Variants in HGD observed in about 807,000 individuals in gnomAD.
HGD encodes homogentisate oxidase.
HGD carries 61 observed loss-of-function variants against 60.8 expected under a neutral mutation model. The observed-to-expected ratio is 1.00, with a 90% CI of 0.82 to 1.24. HGD has a LOEUF of 1.24. HGD is among the 50% of genes most tolerant of loss of function. The pLI is 0.00. For missense variants in HGD, 542 were observed against 547.1 expected (o/e 0.99, Z 0.09); for synonymous variants, 212 against 187.7 (o/e 1.13, Z -1.06).
At chr3:120,643,200 T>C (rs1941044801) in intron 10 of HGD, among the ~76,000 whole-genome samples, 1 of 152,188 alleles carries the variant, frequency 6.6e-6, no homozygotes, top group Non-Finnish European at 1.5e-5. Context: ...CTTGGCTCGC[T>C]GCAACCTCCA....
intron 4 of HGD, among the ~76,000 whole-genome samples, chr3:120,669,451 A>G (rs1327442977): frequency 1.0e-3 from 91 of 90,870 alleles, no homozygotes; most frequent in African/African-American, 3.9e-3. Context: ...GCATGTGCAC[A>G]CACACACACA....
At chr3:120,658,620 TAGCTCC>T (rs1459664700) in intron 4 of HGD, among the ~76,000 whole-genome samples, 1 of 152,216 alleles carries the variant, frequency 6.6e-6, no homozygotes, top group Non-Finnish European at 1.5e-5. Flanking sequence ...CCTCTTCTCA[TAGCTCC>T]ACTAGGCAAT....
Position 120,650,667 on chromosome 3 carries a change from C to T in HGD, c.434+107G>A, listed in dbSNP as rs1337378133. 3.7e-6 allele frequency: 3 copies of T among 810,474 alleles called. No individual in the cohort carries two copies. In the Admixed American group the frequency reaches 5.1e-5, roughly 14 times the overall value. 50.2% of individuals were successfully genotyped at this position (810,474 alleles called of 1,614,324 possible). A position where few individuals can be genotyped will look rare whatever the true frequency, so the allele number is the denominator to read the frequency against. On this transcript the variant is annotated intron_variant, in intron 6 of 13. Coordinates refer to ENST00000283871, the MANE Select transcript of HGD (RefSeq NM_000187.4). The stretch of plus-strand genomic sequence containing the variant: ...AGGAGAAAACCAATAACAAAAACAA[C>T]TATGTATGTGCATATGTGACTTCAC...
intron 4 of HGD, among the ~76,000 whole-genome samples, chr3:120,657,099 T>C (rs1378995067): frequency 6.6e-6 from 1 of 152,202 alleles, no homozygotes; most frequent in South Asian, 2.1e-4. Flanking sequence ...CCAACTAAAA[T>C]TGTGGATTTG....
chr3:120,680,465 T>C (rs1345404892), intron 1 of HGD, among the ~76,000 whole-genome samples: 1 of 152,222 alleles, frequency 6.6e-6, no homozygotes, highest in Non-Finnish European at 1.5e-5. Flanking sequence ...TACATTGATG[T>C]CCTGGTGCTG....
At position 120,644,522 on chromosome 3, in the gene HGD, G is replaced by A; in HGVS notation, c.650-79C>T. 3.7e-6 allele frequency: 6 copies of A among 1,606,254 alleles called. No homozygotes were observed. In the South Asian group the frequency reaches 6.6e-5, roughly 18 times the overall value. On this transcript the variant is annotated intron_variant, in intron 9 of 13. Coordinates refer to ENST00000283871, the MANE Select transcript of HGD (RefSeq NM_000187.4). ...TGCCCATGGTTGCATGAAGAGAAAGGCTTTCTTTCATGTCAAGAGCTACTC... is the reference window on the plus strand; with the variant it reads ...TGCCCATGGTTGCATGAAGAGAAAGACTTTCTTTCATGTCAAGAGCTACTC...
chr3:120,655,960 C>T (rs1941483941), intron 4 of HGD, among the ~76,000 whole-genome samples: 1 of 152,212 alleles, frequency 6.6e-6, no homozygotes, highest in Non-Finnish European at 1.5e-5. Context: ...CCTTGATATG[C>T]ACTAAATTGT....
intron 12 of HGD, chr3:120,633,714 A>G: frequency 1.4e-6 from 1 of 705,044 alleles, no homozygotes; most frequent in South Asian, 1.6e-5. Context: ...CTCCCAGATC[A>G]TAACCCTTTC....
chr3:120,659,170 T>G (rs1417682892), intron 4 of HGD, among the ~76,000 whole-genome samples: 1 of 152,250 alleles, frequency 6.6e-6, no homozygotes, highest in East Asian at 1.9e-4. Context: ...TTCTACCACA[T>G]GGCCAGGCTG....
intron 12 of HGD, chr3:120,633,693 A>G: frequency 1.1e-6 from 1 of 909,394 alleles, no homozygotes; most frequent in South Asian, 1.4e-5. Context: ...CCTGTATCAA[A>G]GTTATCTTAT....
chr3:120,642,864 G>C (rs535201964), intron 10 of HGD, among the ~76,000 whole-genome samples: 226 of 152,318 alleles, frequency 1.5e-3, no homozygotes, highest in Non-Finnish European at 2.5e-3. Flanking sequence ...GGGAGCCCGG[G>C]TGATACAGTC....
Position 120,682,108 on chromosome 3 carries a change from C to A in HGD, c.4G>T (p.Ala2Ser). 1 of 1,614,030 alleles carries A rather than the reference C, an allele frequency of 6.2e-7. No individual in the cohort carries two copies. The highest frequency in any genetic ancestry group is 8.5e-7 in the Non-Finnish European group (1 of 1,179,904). The change falls in exon 1 of 14, where the codon GCT (alanine) becomes TCT (serine). Residue 2 changes from alanine (A) to serine (S), a missense_variant. By Grantham distance (99) the Ala-to-Ser change is moderately conservative. Around this residue, in one of 2 missense-constraint regions of HGD, gnomAD observed 537 missense variants for 529.1 expected, o/e 1.01. Transcript: ENST00000283871. MAELKYISGFGN... is the reference protein window; with the variant it reads MSELKYISGFGN... ...AGATGGTTTCTTACCTTTAACTCAG[C>A]CATTTTCTCTCTCCTCTATGTGTGG... is the stretch of plus-strand genomic sequence containing the variant.
At chr3:120,646,489 G>T (rs868148871) in intron 8 of HGD, 123 bp from the exon 9 acceptor site, 3 of 737,434 alleles carry the variant, frequency 4.1e-6, no homozygotes, top group Middle Eastern at 6.2e-4. Flanking sequence ...GAGCTGCTTG[G>T]GAGGTGACCA....
intron 4 of HGD, among the ~76,000 whole-genome samples, chr3:120,661,209 G>T (rs1307808678): frequency 6.6e-6 from 1 of 152,010 alleles, no homozygotes; most frequent in Non-Finnish European, 1.5e-5. Context: ...TGATCTCCTT[G>T]GCTCCTAAAC....
intron 12 of HGD, among the ~76,000 whole-genome samples, chr3:120,636,872 G>A (rs3755560): frequency 0.084 from 12,761 of 152,168 alleles, 732 homozygotes; most frequent in Middle Eastern, 0.16. Context: ...GGTATATATA[G>A]AGAGGGACCT....
At chr3:120,661,446 T>A (rs1398504634) in intron 4 of HGD, among the ~76,000 whole-genome samples, 1 of 152,204 alleles carries the variant, frequency 6.6e-6, no homozygotes, top group Non-Finnish European at 1.5e-5. Context: ...ATGCTGGAGG[T>A]GAACATGACA....
intron 4 of HGD, 104 bp from the exon 5 acceptor site, chr3:120,652,755 C>G (rs1019081495): frequency 1.6e-5 from 12 of 753,296 alleles, no homozygotes; most frequent in East Asian, 1.4e-4. Flanking sequence ...ACAGCTACCC[C>G]CTCTGTGAGG....
intron 3 of HGD, among the ~76,000 whole-genome samples, chr3:120,670,906 C>G (rs1459410232): frequency 6.6e-6 from 1 of 152,186 alleles, no homozygotes; most frequent in Non-Finnish European, 1.5e-5. Flanking sequence ...TCATAGGATG[C>G]TAGTCCTTGC....
rs397515347 is a variant in HGD at position 120,675,864 on chromosome 3, C to T, written c.16-1G>A. On this transcript the variant is annotated splice_acceptor_variant, in intron 1 of 13. Transcript: ENST00000283871. LOFTEE classifies it high-confidence loss of function. ...ACTCATTCCCAAATCCAGAAATGTA[C>T]TGTAGGTGACAAAGACACAAATGCC... 2.0e-5 allele frequency: 33 copies of T among 1,612,206 alleles called. No individual in the cohort carries two copies. Among genetic ancestry groups the T allele is most frequent in the Non-Finnish European group, 2.6e-5 (31 of 1,178,478 alleles).
Sources: allele counts gnomAD v4.1 joint callset (sites outside exome capture counted in the v4.1 genomes callset), GRCh38; gene constraint gnomAD v4.1.1; regional missense constraint gnomAD v4.1.1; transcripts MANE v1.5; gene names NCBI Gene and HGNC (gene_info 2026-07-23, HGNC 2026-07-21).